Variants in VPS26C observed in about 807,000 individuals in gnomAD.
VPS26C encodes vacuolar protein sorting-associated protein 26C.
A neutral mutation model predicts 30.6 loss-of-function variants in VPS26C; 19 were observed. The ratio of observed to expected loss-of-function variants is 0.62; its 90% CI spans 0.43 to 0.91. VPS26C has a LOEUF of 0.91. VPS26C is among the 40% of genes least tolerant of loss of function. The pLI is 0.00. For missense variants in VPS26C, 318 were observed against 385.1 expected (o/e 0.83, Z 1.46); for synonymous variants, 132 against 151.5 (o/e 0.87, Z 0.95).
At chr21:37,267,170 G>T in intron 1 of VPS26C, 68 bp downstream of exon 1, 1 of 1,333,444 alleles carries the variant, frequency 7.5e-7, no homozygotes. Context: ...TGCGCAGAGC[G>T]ATGGAGACAG....
In VPS26C at chr21:37,233,983, G is replaced by A. The variant is rs117460566; in HGVS notation, c.352-541C>T. ...GGAAAACAGCAGCTACTTTGTAAGC[G>A]GGATTAGAAAATCCATGCAGTGAGG... On this transcript the variant is annotated intron_variant, in intron 3 of 7. Coordinates refer to ENST00000309117, the MANE Select transcript of VPS26C (RefSeq NM_006052.2). This position sits in a 1 kb window ranked among gnomAD's most constrained non-coding sequence, Gnocchi z 5.2. 9.8e-5 allele frequency among the ~76,000 whole-genome samples: 15 copies of A among 152,330 alleles called. No individual in the cohort carries two copies. In the East Asian group the frequency reaches 1.9e-3, roughly 20 times the overall value.
chr21:37,253,029 T>G (rs143020715), intron 1 of VPS26C, among the ~76,000 whole-genome samples: 2,083 of 152,250 alleles, frequency 0.014, 51 homozygotes, highest in African/African-American at 0.046. Flanking sequence ...ATTATACCTG[T>G]TTTTAAAAAA....
chr21:37,264,990 C>T (rs1477881309), intron 1 of VPS26C, among the ~76,000 whole-genome samples: 1 of 152,160 alleles, frequency 6.6e-6, no homozygotes, highest in Non-Finnish European at 1.5e-5. Flanking sequence ...CTATGACAAG[C>T]ATGAACACTG....
At chr21:37,265,910 C>CTTTTTT (rs59649054) in intron 1 of VPS26C, among the ~76,000 whole-genome samples, 7 of 77,234 alleles carry the variant, frequency 9.1e-5, no homozygotes, top group Non-Finnish European at 1.4e-4. Flanking sequence ...AGCTTTTTCT[C>CTTTTTT]TTTTTTTTTT....
intron 1 of VPS26C, 46 bp from the exon 2 acceptor site, chr21:37,240,685 C>T: frequency 6.3e-7 from 1 of 1,593,092 alleles, no homozygotes; most frequent in Non-Finnish European, 8.5e-7. Context: ...ATGCTTCCTC[C>T]ATTCTACCTT....
At position 37,232,569 on chromosome 21, in the gene VPS26C, A is replaced by C. The variant is rs367651923; in HGVS notation, c.433-118T>G. 2.1e-3 allele frequency: 1,792 copies of C among 838,506 alleles called. 36 individuals are homozygous for C. In the South Asian group the frequency reaches 0.025, roughly 12 times the overall value. 51.9% of individuals were successfully genotyped at this position (838,506 alleles called of 1,614,324 possible). A position where few individuals can be genotyped will look rare whatever the true frequency, so the allele number is the denominator to read the frequency against. On this transcript the variant is annotated intron_variant, in intron 4 of 7. Coordinates refer to ENST00000309117, the MANE Select transcript of VPS26C (RefSeq NM_006052.2). Reference sequence around the variant, plus strand: ...GCCTGGCGATGCAGGAAGGACGGGGAACTAAGAGGCGCAAGCCTGGGTCCT... The same window carrying C: ...GCCTGGCGATGCAGGAAGGACGGGGCACTAAGAGGCGCAAGCCTGGGTCCT...
chr21:37,258,294 CAG>C (rs1940155251), intron 1 of VPS26C, among the ~76,000 whole-genome samples: 1 of 152,236 alleles, frequency 6.6e-6, no homozygotes, highest in Non-Finnish European at 1.5e-5. Context: ...AGCCGTTTCA[CAG>C]AGACTGCGCA....
chr21:37,254,929 C>G (rs2086227823), intron 1 of VPS26C, among the ~76,000 whole-genome samples: 1 of 152,088 alleles, frequency 6.6e-6, no homozygotes, highest in East Asian at 1.9e-4. Flanking sequence ...AGGGTAGGCT[C>G]TGGGGACAGA....
At chr21:37,246,970 C>A (rs2086143604) in intron 1 of VPS26C, among the ~76,000 whole-genome samples, 1 of 152,150 alleles carries the variant, frequency 6.6e-6, no homozygotes, top group South Asian at 2.1e-4. Flanking sequence ...GTTGCCCAGG[C>A]TAGTCTTGAA....
At chr21:37,260,061 A>C (rs2086288711) in intron 1 of VPS26C, among the ~76,000 whole-genome samples, 1 of 152,240 alleles carries the variant, frequency 6.6e-6, no homozygotes, top group Admixed American at 6.5e-5. Flanking sequence ...TAAGACCCAG[A>C]GAAGGCACAA....
intron 1 of VPS26C, among the ~76,000 whole-genome samples, chr21:37,245,591 CA>C (rs2086129885): frequency 6.6e-6 from 1 of 152,292 alleles, no homozygotes; most frequent in Middle Eastern, 3.4e-3. Context: ...CAAAATAAGA[CA>C]AAAGTGCCTC....
At chr21:37,227,909 G>T in intron 6 of VPS26C, 103 bp from the exon 7 acceptor site, 1 of 1,471,984 alleles carries the variant, frequency 6.8e-7, no homozygotes, top group Non-Finnish European at 9.2e-7. Flanking sequence ...ATCCTCCAGG[G>T]TCCCCTCCCC....
chr21:37,226,199 TGTGTGTG>T lies in VPS26C; in HGVS notation c.812-580_812-574del. On this transcript the variant is annotated intron_variant, in intron 7 of 7. Transcript: ENST00000309117. This position sits in a 1 kb window ranked among gnomAD's most constrained non-coding sequence, Gnocchi z 4.1. ...GCCTTGTTGATCCTAACAAAAGGGA[TGTGTGTG>T]AAGAGGAAGCACCTGACGACAAACA... 6.5e-6 allele frequency: 1 copy of T among 154,672 alleles called. No individual in the cohort carries two copies. The highest frequency in any genetic ancestry group is 6.3e-5 in the Admixed American group (1 of 15,864). The allele number at this position is 154,672 out of a possible 1,614,324, so 9.6% of individuals were successfully genotyped here.
intron 1 of VPS26C, among the ~76,000 whole-genome samples, chr21:37,265,693 T>C (rs2086351404): frequency 6.6e-6 from 1 of 152,132 alleles, no homozygotes. Context: ...GCCCTTCAAT[T>C]TGGATATTCC....
intron 1 of VPS26C, among the ~76,000 whole-genome samples, chr21:37,265,528 A>C (rs1434645864): frequency 1.3e-5 from 2 of 152,170 alleles, no homozygotes; most frequent in Non-Finnish European, 2.9e-5. Flanking sequence ...AATATACAAC[A>C]ATTATAGTCC....
intron 1 of VPS26C, among the ~76,000 whole-genome samples, chr21:37,242,585 C>CA (rs1272947524): frequency 1.3e-5 from 2 of 150,366 alleles, no homozygotes; most frequent in African/African-American, 4.9e-5. Context: ...GACCCTGTCT[C>CA]AAAAAAAGAA....
intron 5 of VPS26C, among the ~76,000 whole-genome samples, chr21:37,230,264 A>G (rs2085947406): frequency 6.6e-6 from 1 of 152,230 alleles, no homozygotes; most frequent in South Asian, 2.1e-4. Context: ...GACTGATGAA[A>G]AAGGATAGCT....
chr21:37,253,099 T>C (rs1177738578), intron 1 of VPS26C, among the ~76,000 whole-genome samples: 1 of 152,240 alleles, frequency 6.6e-6, no homozygotes, highest in Non-Finnish European at 1.5e-5. Context: ...AATTGAGTCA[T>C]ATTCTAAAAT....
chr21:37,234,646 C>G (rs990565897), intron 3 of VPS26C, among the ~76,000 whole-genome samples: 6 of 152,066 alleles, frequency 3.9e-5, no homozygotes, highest in Non-Finnish European at 8.8e-5. Context: ...AGAATTATGT[C>G]AAAAATAATT....
Sources: gnomAD v4.1 joint callset for allele counts (sites outside exome capture counted in the v4.1 genomes callset) on GRCh38, gnomAD v4.1.1 for gene constraint, Gnocchi (gnomAD v3.1) non-coding constraint, MANE v1.5 for transcripts, NCBI Gene and HGNC (gene_info 2026-07-23, HGNC 2026-07-21) for gene names.